AIM2: variants seen among roughly 807,000 people sequenced by gnomAD.
The protein encoded by AIM2 is absent in melanoma 2.
Under a neutral mutation model 27.7 loss-of-function variants are expected in AIM2, and 30 were observed. The observed-to-expected ratio is 1.08, with a 90% CI of 0.81 to 1.47. The LOEUF (loss-of-function observed/expected upper bound fraction) is 1.47, where lower values mean the gene tolerates loss of function less well. Among genes scored for constraint, AIM2 ranks in the 40% most tolerant of loss-of-function variants. AIM2 has a pLI of 0.00. For synonymous variants in AIM2, 141 were observed against 145.3 expected, an observed-to-expected ratio of 0.97 and a Z score of 0.21; for missense variants, 358 against 411.3, an observed-to-expected ratio of 0.87 and a Z score of 1.12.
At chr1:159,061,307 T>C (rs1456674272), downstream of AIM2, among the ~76,000 whole-genome samples, 1 of 152,226 alleles carries the variant, frequency 6.6e-6, no homozygotes, top group Non-Finnish European at 1.5e-5. Context: ...TTGACATCCA[T>C]GTATCATCTT....
intron 4 of AIM2, 142 bp from the exon 5 acceptor site, chr1:159,063,816 A>G (rs1201398855): frequency 1.1e-5 from 10 of 871,170 alleles, no homozygotes; most frequent in Admixed American, 3.0e-5. Context: ...GTGCAGGTCC[A>G]TTTATATGGG....
intron 1 of AIM2, among the ~76,000 whole-genome samples, chr1:159,088,608 C>T (rs946543871): frequency 5.9e-5 from 9 of 152,060 alleles, no homozygotes; most frequent in African/African-American, 2.2e-4. Context: ...AATTTAATCC[C>T]TGATGTGGTA....
intron 1 of AIM2, among the ~76,000 whole-genome samples, chr1:159,101,698 G>A (rs954024599): frequency 1.3e-5 from 2 of 152,178 alleles, no homozygotes; most frequent in East Asian, 1.9e-4. Flanking sequence ...AACTTCTTGG[G>A]AGCTGGAGCA....
At chr1:159,064,283 C>T (rs1043009137) in intron 4 of AIM2, among the ~76,000 whole-genome samples, 1 of 152,194 alleles carries the variant, frequency 6.6e-6, no homozygotes, top group Admixed American at 6.5e-5. Context: ...ACGTGTCTTA[C>T]TTAGAACATG....
At chr1:159,101,768 G>A (rs1034869355) in intron 1 of AIM2, among the ~76,000 whole-genome samples, 3 of 152,184 alleles carry the variant, frequency 2.0e-5, no homozygotes, top group Non-Finnish European at 4.4e-5. Flanking sequence ...CTGCCCTAGA[G>A]ATCTGTGGAA....
chr1:159,056,179 C>T, the AIM2 span, among the ~76,000 whole-genome samples: 4 of 152,160 alleles, frequency 2.6e-5, no homozygotes, highest in Admixed American at 6.5e-5. Flanking sequence ...AAGAGGGAAA[C>T]GGTCCTTCTG....
At chr1:159,120,525 CA>C (rs1647509506) in intron 1 of AIM2, among the ~76,000 whole-genome samples, 1 of 152,128 alleles carries the variant, frequency 6.6e-6, no homozygotes, top group Non-Finnish European at 1.5e-5. Context: ...AGCTGGCTGT[CA>C]AAAACGTTAA....
intron 1 of AIM2, among the ~76,000 whole-genome samples, chr1:159,101,421 T>A (rs983940406): frequency 1.3e-5 from 2 of 152,320 alleles, no homozygotes; most frequent in South Asian, 2.1e-4. Context: ...CTCGAGTATT[T>A]CTTCATAGCA....
chr1:159,105,698 G>C (rs1474134107), intron 1 of AIM2, among the ~76,000 whole-genome samples: 1 of 152,172 alleles, frequency 6.6e-6, no homozygotes, highest in Non-Finnish European at 1.5e-5. Flanking sequence ...GAGCTGAGGA[G>C]ACCCGAATTG....
At chr1:159,079,033 C>A (rs972524156), upstream of AIM2, among the ~76,000 whole-genome samples, 7 of 152,042 alleles carry the variant, frequency 4.6e-5, no homozygotes, top group African/African-American at 1.7e-4. Context: ...ATGGACATTT[C>A]TTTCTTAAAT....
intron 1 of AIM2, among the ~76,000 whole-genome samples, chr1:159,094,610 A>AT (rs1170089962): frequency 6.6e-6 from 1 of 152,204 alleles, no homozygotes; most frequent in African/African-American, 2.4e-5. Context: ...AAGCTGGAGA[A>AT]TCGCTTGAAA....
intron 1 of AIM2, among the ~76,000 whole-genome samples, chr1:159,130,490 C>A (rs1220253611): frequency 6.6e-6 from 1 of 152,124 alleles, no homozygotes; most frequent in Non-Finnish European, 1.5e-5. Context: ...CTACCTATCC[C>A]CTTTCTCATT....
At chr1:159,060,020 A>G (rs2101953996), downstream of AIM2, among the ~76,000 whole-genome samples, 1 of 152,298 alleles carries the variant, frequency 6.6e-6, no homozygotes, top group African/African-American at 2.4e-5. Flanking sequence ...TGTCCTCATA[A>G]ACATTTTACA....
chr1:159,128,260 T>TACACAC (rs35254795), intron 1 of AIM2, among the ~76,000 whole-genome samples: 7,529 of 147,764 alleles, frequency 0.051, 229 homozygotes, highest in African/African-American at 0.074. Context: ...TGCCAAGGCT[T>TACACAC]ACACACACAC....
upstream of AIM2, among the ~76,000 whole-genome samples, chr1:159,144,883 T>A (rs1648174889): frequency 6.6e-6 from 1 of 152,234 alleles, no homozygotes; most frequent in South Asian, 2.1e-4. Flanking sequence ...CTAGTCCGTA[T>A]TTTAAATTCT....
chr1:159,056,849 T>G, the AIM2 span, among the ~76,000 whole-genome samples: 2 of 151,054 alleles, frequency 1.3e-5, no homozygotes, highest in Non-Finnish European at 2.9e-5. Flanking sequence ...GTTTGGAGGA[T>G]GCATCTGACG....
At chr1:159,139,483 CTT>C (rs1648070893) in intron 1 of AIM2, among the ~76,000 whole-genome samples, 1 of 152,172 alleles carries the variant, frequency 6.6e-6, no homozygotes, top group South Asian at 2.1e-4. Context: ...GTACAACAAA[CTT>C]TTCATCCATT....
intron 1 of AIM2, among the ~76,000 whole-genome samples, chr1:159,085,066 C>T (rs1057141412): frequency 1.3e-5 from 2 of 152,118 alleles, no homozygotes; most frequent in African/African-American, 2.4e-5. Context: ...ATGCCACTTC[C>T]GTATGTACTT....
At chr1:159,069,998 T>G (rs1397999452) in intron 2 of AIM2, among the ~76,000 whole-genome samples, 1 of 152,200 alleles carries the variant, frequency 6.6e-6, no homozygotes, top group Non-Finnish European at 1.5e-5. Flanking sequence ...TTTCACACAG[T>G]GTTCCCTCTG....
Sources: allele counts gnomAD v4.1 joint callset (sites outside exome capture counted in the v4.1 genomes callset), GRCh38; gene constraint gnomAD v4.1.1; transcripts MANE v1.5; gene names NCBI Gene and HGNC (gene_info 2026-07-23, HGNC 2026-07-21).